Variants in TMEM223 observed in about 807,000 individuals in gnomAD.
The protein encoded by TMEM223 is transmembrane protein 223.
Under a neutral mutation model 14.1 loss-of-function variants are expected in TMEM223, and 14 were observed. The observed-to-expected ratio is 0.99, with a 90% CI of 0.66 to 1.55. TMEM223 has a LOEUF of 1.55. Among genes scored for constraint, TMEM223 ranks in the 40% most tolerant of loss-of-function variants. TMEM223 has a pLI of 0.00. For synonymous variants in TMEM223, 145 were observed against 120.5 expected (o/e 1.20, Z -1.33); for missense variants, 346 against 269.9 (o/e 1.28, Z -1.97).
In TMEM223 at chr11:62,790,016, C is replaced by T; in HGVS notation, c.*607G>A. 6.2e-7 allele frequency: 1 copy of T among 1,613,768 alleles called. No homozygotes were observed. The highest frequency in any genetic ancestry group is 8.5e-7 in the Non-Finnish European group (1 of 1,179,844). The stretch of plus-strand genomic sequence containing the variant: ...CCTGAGTGGAGCTCTGAGACAGATG[C>T]TCTCGTTGGGTCACGCCTTTCCCAT... On this transcript the variant is annotated 3_prime_UTR_variant, in exon 2 of 2. Coordinates refer to ENST00000307366, the MANE Select transcript of TMEM223 (RefSeq NM_001080501.3).
intron 1 of TMEM223, chr11:62,778,190 T>G: frequency 6.2e-7 from 1 of 1,613,546 alleles, no homozygotes; most frequent in South Asian, 1.1e-5. Flanking sequence ...GAAGTGGTGA[T>G]GGGCTGGCTG....
intron 1 of TMEM223, among the ~76,000 whole-genome samples, chr11:62,777,240 T>A (rs2084194390): frequency 6.6e-6 from 1 of 151,558 alleles, no homozygotes; most frequent in South Asian, 2.1e-4. Context: ...GGCAGGAGAA[T>A]CGCTTGAAAC....
At chr11:62,775,384 A>G (rs1336065169) in intron 1 of TMEM223, among the ~76,000 whole-genome samples, 1 of 152,224 alleles carries the variant, frequency 6.6e-6, no homozygotes, top group Non-Finnish European at 1.5e-5. Context: ...GCGGGGACAC[A>G]GCCAAATCAT....
intron 1 of TMEM223, among the ~76,000 whole-genome samples, chr11:62,777,817 C>T (rs1335538566): frequency 6.6e-6 from 1 of 152,172 alleles, no homozygotes; most frequent in African/African-American, 2.4e-5. Context: ...GGCAAGTCCC[C>T]AGTGGTGGCT....
Position 62,790,794 on chromosome 11 carries a change from A to G in TMEM223, c.438T>C (p.His146=), listed in dbSNP as rs1284885896. ...TTHAPFGLGA[H]FTVPLKQVSC... Reference sequence around the variant, plus strand: ...ATACCTGCTTCAAAGGAACTGTGAAATGGGCCCCCAAGCCAAAGGGGGCAT... The same window carrying G: ...ATACCTGCTTCAAAGGAACTGTGAAGTGGGCCCCCAAGCCAAAGGGGGCAT... Residue 146 remains histidine (H), a synonymous_variant, in exon 2 of 2, where the codon CAT becomes CAC. Transcript: ENST00000307366. 2.5e-6 allele frequency: 4 copies of G among 1,607,330 alleles called. No homozygotes were observed. Among genetic ancestry groups the G allele is most frequent in the Admixed American group, 3.4e-5 (2 of 58,860 alleles).
rs2084350407 is a variant in TMEM223, at chr11:62,790,688, T to C, written c.544A>G (p.Lys182Glu). The change falls in exon 2 of 2, where the codon AAA becomes GAA. Residue 182 changes from lysine (K) to glutamate (E), a missense_variant. Coordinates refer to ENST00000307366, the MANE Select transcript of TMEM223 (RefSeq NM_001080501.3). Reference sequence around the variant, plus strand: ...TTTGTGTTAGGGAAGTGTCCAGTTTTGTCCAAGAGGAAATAGAAGCGTCGG... The same window carrying C: ...TTTGTGTTAGGGAAGTGTCCAGTTTCGTCCAAGAGGAAATAGAAGCGTCGG... ...KGRRFYFLLD[K>E]TGHFPNTKLF... 1.2e-6 allele frequency: 2 copies of C among 1,612,360 alleles called. No individual in the cohort carries two copies. The highest frequency in any genetic ancestry group is 2.7e-5 in the African/African-American group (2 of 74,920).
At chr11:62,789,742 A>G (rs939262126), downstream of TMEM223, 1 of 1,516,636 alleles carries the variant, frequency 6.6e-7, no homozygotes, top group East Asian at 2.3e-5. Flanking sequence ...GGTGCTCACC[A>G]GTGTATTGTG....
downstream of TMEM223, chr11:62,782,887 A>G: frequency 6.3e-7 from 1 of 1,594,194 alleles, no homozygotes; most frequent in Non-Finnish European, 8.6e-7. Flanking sequence ...GAAAAATAGT[A>G]CTTGTGCATC....
downstream of TMEM223, chr11:62,787,083 C>T (rs1209888910): frequency 2.0e-6 from 3 of 1,536,530 alleles, no homozygotes; most frequent in Non-Finnish European, 2.6e-6. Context: ...AGAGCCGTTT[C>T]GCCCCGCGCG....
intron 1 of TMEM223, among the ~76,000 whole-genome samples, chr11:62,776,924 G>A (rs1237757425): frequency 1.1e-4 from 17 of 151,706 alleles, no homozygotes; most frequent in Admixed American, 1.1e-3. Context: ...GGAGGCCGGC[G>A]GATCACGAAG....
chr11:62,786,105 AAATAAAT>A, downstream of TMEM223: 1 of 942,510 alleles, frequency 1.1e-6, no homozygotes, highest in Non-Finnish European at 1.6e-6. Flanking sequence ...AGTAGGTTCC[AAATAAAT>A]ATATGGTTGA....
At chr11:62,786,491 C>T, downstream of TMEM223, 1 of 1,573,302 alleles carries the variant, frequency 6.4e-7, no homozygotes, top group South Asian at 1.2e-5. Flanking sequence ...GAATTTTTTG[C>T]CTATCTTAGT....
At chr11:62,783,918 C>T (rs1395668793), downstream of TMEM223, among the ~76,000 whole-genome samples, 1 of 149,180 alleles carries the variant, frequency 6.7e-6, no homozygotes, top group African/African-American at 2.5e-5. Flanking sequence ...CTTTTGTATA[C>T]CTGGAATAAG....
At chr11:62,772,554 T>G (rs995054703) in intron 2 of TMEM223, among the ~76,000 whole-genome samples, 1 of 134,138 alleles carries the variant, frequency 7.5e-6, no homozygotes, top group Admixed American at 7.8e-5. Flanking sequence ...TCGGGCCAGG[T>G]GCGGTGGCTC....
At chr11:62,775,790 G>A in intron 1 of TMEM223, 2 of 1,608,358 alleles carry the variant, frequency 1.2e-6, no homozygotes, top group Non-Finnish European at 1.7e-6. Context: ...GGCCATGTCA[G>A]AGCGAGAAGA....
downstream of TMEM223, chr11:62,782,973 G>C: frequency 4.9e-6 from 6 of 1,221,158 alleles, no homozygotes; most frequent in Non-Finnish European, 6.7e-6. Context: ...AGTGATACTT[G>C]ACTTTCTGAA....
At chr11:62,784,017 C>G (rs369508106), downstream of TMEM223, among the ~76,000 whole-genome samples, 1 of 1,684 alleles carries the variant, frequency 5.9e-4, no homozygotes, top group African/African-American at 2.0e-3. Context: ...GCGACAGAGT[C>G]TCACACTGTC....
At position 62,791,581 on chromosome 11, in the gene TMEM223, C is replaced by A. The variant is rs1001757888; in HGVS notation, c.316+98G>T. On this transcript the variant is annotated intron_variant, in intron 1 of 1. Coordinates refer to ENST00000307366, the MANE Select transcript of TMEM223 (RefSeq NM_001080501.3). Reference sequence around the variant, plus strand: ...TCTGTGGGGTAAAGCCCGCCCGCCACTCTCGGATAGGGAGTCCCTGACTCT... The same window carrying A: ...TCTGTGGGGTAAAGCCCGCCCGCCAATCTCGGATAGGGAGTCCCTGACTCT... 3.6e-6 allele frequency: 5 copies of A among 1,370,356 alleles called. No individual in the cohort carries two copies. In the African/African-American group the frequency reaches 7.3e-5, roughly 20 times the overall value. The allele number at this position is 1,370,356 out of a possible 1,614,324, so 84.9% of individuals were successfully genotyped here.
downstream of TMEM223, chr11:62,789,105 C>T (rs147507289): frequency 1.3e-5 from 21 of 1,614,228 alleles, no homozygotes; most frequent in African/African-American, 6.7e-5. Context: ...CCCTCAGCAC[C>T]ATCCCTGTGC....
Sources: gnomAD v4.1 joint callset for allele counts (sites outside exome capture counted in the v4.1 genomes callset) on GRCh38, gnomAD v4.1.1 for gene constraint, MANE v1.5 for transcripts, NCBI Gene and HGNC (gene_info 2026-07-23, HGNC 2026-07-21) for gene names.